NKD1: variants seen among roughly 807,000 people sequenced by gnomAD.
NKD1 encodes the protein NKD inhibitor of Wnt signaling pathway 1, also known as protein naked cuticle homolog 1.
NKD1 carries 21 observed loss-of-function variants against 56.0 expected under a neutral mutation model. The ratio of observed to expected loss-of-function variants is 0.38; its 90% confidence interval spans 0.27 to 0.54. NKD1 has a LOEUF of 0.54. Ranked by LOEUF, NKD1 falls within the 20% of genes least tolerant of loss-of-function variation. NKD1 has a pLI of 0.82. For synonymous variants in NKD1, 263 were observed against 265.7 expected (o/e 0.99, Z 0.10); for missense variants, 578 against 642.7 (o/e 0.90, Z 1.09).
At chr16:50,550,882 T>G (rs1960368906) in intron 3 of NKD1, among the ~76,000 whole-genome samples, 1 of 152,228 alleles carries the variant, frequency 6.6e-6, no homozygotes, top group Non-Finnish European at 1.5e-5. Context: ...AATCAAGTTT[T>G]GGGTTTTTTC....
chr16:50,572,792 A>G (rs1960913133), intron 3 of NKD1: 1 of 697,094 alleles, frequency 1.4e-6, no homozygotes, highest in African/African-American at 1.9e-5. Context: ...CGACAGAGAC[A>G]GATCCAAAGC....
intron 5 of NKD1, among the ~76,000 whole-genome samples, chr16:50,622,549 C>G (rs1430501352): frequency 1.3e-5 from 2 of 152,178 alleles, no homozygotes; most frequent in African/African-American, 4.8e-5. Flanking sequence ...AGTCAGCAGG[C>G]CTGGGTTCAA....
chr16:50,550,239 C>A (rs914462503), intron 3 of NKD1, among the ~76,000 whole-genome samples: 1 of 152,134 alleles, frequency 6.6e-6, no homozygotes, highest in Non-Finnish European at 1.5e-5. Flanking sequence ...TGGGACTTGG[C>A]GTTCACAGAT....
Position 50,647,715 on chromosome 16 carries a change from T to C in NKD1, c.*13934T>C, listed in dbSNP as rs958378409. ...TAGGCTTCAGCAGAATTGCAGGTAC[T>C]GGCAGTCGGAAATTGGACCAGCAAA... On this transcript the variant is annotated 3_prime_UTR_variant, in exon 10 of 10. Coordinates refer to ENST00000268459, the MANE Select transcript of NKD1 (RefSeq NM_033119.5). The C allele has an allele frequency of 6.6e-6, 1 of 152,256 alleles. No individual in the cohort carries two copies. The highest frequency in any genetic ancestry group is 1.5e-5 in the Non-Finnish European group (1 of 68,050). 9.4% of individuals were successfully genotyped at this position (152,256 alleles called of 1,614,324 possible).
rs140886376 is a variant in NKD1, at chr16:50,612,980, G to C, written c.259+4620G>C. Among the ~76,000 whole-genome samples the C allele has an allele frequency of 2.6e-5, 4 of 152,262 alleles. No individual in the cohort carries two copies. The East Asian group carries it at 7.7e-4, about 29-fold the overall frequency. ...AGGGTCGCAGGCGAGAGGAGATGGT[G>C]CTGGCCTAGCCTGGGAGCTTGGGGC... On this transcript the variant is annotated intron_variant, in intron 4 of 9. Coordinates refer to ENST00000268459, the MANE Select transcript of NKD1 (RefSeq NM_033119.5).
chr16:50,622,972 G>T (rs930059044), intron 5 of NKD1, among the ~76,000 whole-genome samples: 1 of 152,108 alleles, frequency 6.6e-6, no homozygotes, highest in African/African-American at 2.4e-5. Context: ...GCCTGGAGGA[G>T]GGAACAGCGG....
chr16:50,574,724 G>A (rs900451009), intron 3 of NKD1: 1 of 985,402 alleles, frequency 1.0e-6, no homozygotes, highest in African/African-American at 1.7e-5. Context: ...AGGCGCTTGG[G>A]TTTTCTTTGG....
Position 50,646,654 on chromosome 16 carries a change from T to G in NKD1, c.*12873T>G, listed in dbSNP as rs747413147. 2 of 152,126 alleles carry G rather than the reference T, an allele frequency of 1.3e-5. No homozygotes were observed. The highest frequency in any genetic ancestry group is 2.9e-5 in the Non-Finnish European group (2 of 68,086). The allele number at this position is 152,126 out of a possible 1,614,324, so 9.4% of individuals were successfully genotyped here. A position where few individuals can be genotyped will look rare whatever the true frequency, so the allele number is the denominator to read the frequency against. ...CTTAATGGGGAAAACAAGAACACTG[T>G]CACTCGTAATGGGCATGAAAGGACA... On this transcript the variant is annotated 3_prime_UTR_variant, in exon 10 of 10. Coordinates refer to ENST00000268459, the MANE Select transcript of NKD1 (RefSeq NM_033119.5).
chr16:50,619,908 G>A (rs543880054), intron 4 of NKD1, among the ~76,000 whole-genome samples: 7 of 152,198 alleles, frequency 4.6e-5, no homozygotes, highest in Non-Finnish European at 7.3e-5. Context: ...CAAGTCTCCC[G>A]AATTGAGCCA....
rs1483732477 is a variant in NKD1, at chr16:50,548,730, G to A, written c.39G>A (p.Lys13=). The change falls in exon 2 of 10, where the codon AAG becomes AAA. Residue 13 remains lysine, a synonymous_variant. Transcript: ENST00000268459. The part of the protein sequence containing the change: ...KLHSKPAAVC[K]RRESPEGDSF... ...ATGTGCCTGCAGCCGCCGTGTGCAA[G>A]CGCAGGGAGAGCCCGGAAGGTAGGG... is the stretch of plus-strand genomic sequence containing the variant. The A allele has an allele frequency of 6.9e-7, 1 of 1,447,694 alleles. No homozygotes were observed. Among genetic ancestry groups the A allele is most frequent in the Non-Finnish European group, 9.0e-7 (1 of 1,110,248 alleles). 89.7% of individuals were successfully genotyped at this position (1,447,694 alleles called of 1,614,324 possible).
chr16:50,609,095 G>A lies in NKD1; in HGVS notation c.259+735G>A, dbSNP rs371351400. ...CCACCTTGGCCTCCCAAAGTGCTGG[G>A]GTTACAGGCGTGAGCCACTGCACCT... On this transcript the variant is annotated intron_variant, in intron 4 of 9. Transcript: ENST00000268459. Among the ~76,000 whole-genome samples, 19 of 152,358 alleles carry A rather than the reference G, an allele frequency of 1.2e-4. No homozygotes were observed. In the East Asian group the frequency reaches 2.5e-3, roughly 20 times the overall value.
chr16:50,562,316 G>T, intron 3 of NKD1: 1 of 969,476 alleles, frequency 1.0e-6, no homozygotes, highest in Non-Finnish European at 1.2e-6. Context: ...CTGTGTATCT[G>T]CAGGTGCATA....
At chr16:50,585,487 C>T (rs1457331590) in intron 3 of NKD1, among the ~76,000 whole-genome samples, 1 of 152,222 alleles carries the variant, frequency 6.6e-6, no homozygotes. Context: ...AATCTGAGTG[C>T]CCTGGGCAGC....
In NKD1 at chr16:50,549,492, C is replaced by A; in HGVS notation, c.129C>A (p.Cys43Ter). 6.2e-7 allele frequency: 1 copy of A among 1,609,622 alleles called. No individual in the cohort carries two copies. Among genetic ancestry groups the A allele is most frequent in the Non-Finnish European group, 8.5e-7 (1 of 1,178,106 alleles). The change falls in exon 3 of 10, where the codon TGC becomes TGA. Residue 43 changes from cysteine (C) to a stop codon, truncating the protein, a stop_gained. Coordinates refer to ENST00000268459, the MANE Select transcript of NKD1 (RefSeq NM_033119.5). LOFTEE classifies it high-confidence loss of function. The part of the protein sequence containing the change: ...GIEEWIGRQR[C>*]PGGVSGPRQL... Reference sequence around the variant, plus strand: ...AGGAGTGGATCGGGAGACAGCGCTGCCCGGGCGGTGTCTCGGGACCCCGAC... The same window carrying A: ...AGGAGTGGATCGGGAGACAGCGCTGACCGGGCGGTGTCTCGGGACCCCGAC...
rs5816707 is a variant in NKD1, at chr16:50,598,229, CTGTGTGTGTG to C, written c.193-10040_193-10031del. Among the ~76,000 whole-genome samples the C allele has an allele frequency of 1.9e-4, 27 of 143,864 alleles. No homozygotes were observed. The highest frequency in any genetic ancestry group is 1.4e-4 in the Non-Finnish European group (9 of 65,964). 94.4% of individuals were successfully genotyped at this position (143,864 alleles called of 152,430 possible). ...CACTGCAGGGCCGCATGGGTGGACT[CTGTGTGTGTG>C]TGTGTGTGTGTGTGTGTGTGTGTGC... On this transcript the variant is annotated intron_variant, in intron 3 of 9. Transcript: ENST00000268459. The surrounding 1 kb of genome is among the most constrained non-coding windows in gnomAD (Gnocchi z 4.2).
At chr16:50,622,685 C>T (rs1386415269) in intron 5 of NKD1, among the ~76,000 whole-genome samples, 1 of 152,196 alleles carries the variant, frequency 6.6e-6, no homozygotes, top group Non-Finnish European at 1.5e-5. Flanking sequence ...CTGTTGTCAG[C>T]AGCATGAGTT....
rs919092351 is a variant in NKD1, at chr16:50,611,800, CCT to C, written c.259+3442_259+3443del. Among the ~76,000 whole-genome samples the C allele has an allele frequency of 5.3e-5, 8 of 152,200 alleles. No individual in the cohort carries two copies. The East Asian group carries it at 1.5e-3, about 29-fold the overall frequency. ...GAGTCACTTCCCTGTGGCTCAACTTCCTCACTGGGTTCCTTGTAGCACTTCTT... is the reference window on the plus strand; with the variant it reads ...GAGTCACTTCCCTGTGGCTCAACTTCCACTGGGTTCCTTGTAGCACTTCTT... On this transcript the variant is annotated intron_variant, in intron 4 of 9. Transcript: ENST00000268459.
chr16:50,633,347 A>G lies in NKD1; in HGVS notation c.979A>G (p.Lys327Glu). The G allele has an allele frequency of 6.2e-7, 1 of 1,614,036 alleles. No homozygotes were observed. Among genetic ancestry groups the G allele is most frequent in the Non-Finnish European group, 8.5e-7 (1 of 1,179,970 alleles). ...CCACTTCCTTGACACCCCAATCGCCAAGGTCTCAGAGCTCCAGCAACGGCT... is the reference window on the plus strand; with the variant it reads ...CCACTTCCTTGACACCCCAATCGCCGAGGTCTCAGAGCTCCAGCAACGGCT... Reference protein sequence around the residue: ...SFHFLDTPIAKVSELQQRLRG... With the variant: ...SFHFLDTPIAEVSELQQRLRG... Residue 327 changes from lysine (K) to glutamate (E), a missense_variant, in exon 10 of 10, where the codon AAG becomes GAG. Lys to Glu is a moderately conservative substitution (Grantham distance 56). Transcript: ENST00000268459. The surrounding 1 kb of genome is among the most constrained non-coding windows in gnomAD (Gnocchi z 4.9).
chr16:50,618,568 G>A (rs1437347997), intron 4 of NKD1, among the ~76,000 whole-genome samples: 3 of 152,198 alleles, frequency 2.0e-5, no homozygotes, highest in Admixed American at 1.3e-4. Flanking sequence ...CTGGCATTGG[G>A]GTCTGCATGG....
Sources: gnomAD v4.1 joint callset for allele counts (sites outside exome capture counted in the v4.1 genomes callset) on GRCh38, gnomAD v4.1.1 for gene constraint, Gnocchi (gnomAD v3.1) non-coding constraint, MANE v1.5 for transcripts, NCBI Gene and HGNC (gene_info 2026-07-23, HGNC 2026-07-21) for gene names.